PRR5L: variants seen among roughly 807,000 people sequenced by gnomAD.
PRR5L encodes proline-rich protein 5-like.
In PRR5L, 21 loss-of-function variants were observed where a neutral mutation model predicts 36.4. That is an observed-to-expected ratio of 0.58 (90% CI 0.41 to 0.83). PRR5L has a LOEUF of 0.83. Ranked by LOEUF, PRR5L falls within the 40% of genes least tolerant of loss-of-function variation. The pLI is 0.00. For synonymous variants in PRR5L, 188 were observed against 197.0 expected, an observed-to-expected ratio of 0.95 and a Z score of 0.38; for missense variants, 381 against 473.3, an observed-to-expected ratio of 0.80 and a Z score of 1.81.
chr11:36,323,742 T>C (rs1307028097), intron 1 of PRR5L, among the ~76,000 whole-genome samples: 1 of 152,212 alleles, frequency 6.6e-6, no homozygotes, highest in Admixed American at 6.5e-5. Context: ...CTAAAAATTA[T>C]TTGAAGGTTG....
chr11:36,436,493 A>C (rs1863397), intron 5 of PRR5L, among the ~76,000 whole-genome samples: 1 of 151,946 alleles, frequency 6.6e-6, no homozygotes, highest in African/African-American at 2.4e-5. Context: ...CTGATCCTCA[A>C]AGTGAGTAGG....
intron 8 of PRR5L, among the ~76,000 whole-genome samples, chr11:36,451,932 T>G (rs931365988): frequency 6.6e-6 from 1 of 152,128 alleles, no homozygotes; most frequent in Non-Finnish European, 1.5e-5. Flanking sequence ...CCAGGCACCA[T>G]GGAAAATCTG....
At chr11:36,346,323 C>A (rs767914800) in intron 1 of PRR5L, among the ~76,000 whole-genome samples, 54 of 152,064 alleles carry the variant, frequency 3.6e-4, no homozygotes, top group Non-Finnish European at 6.9e-4. Flanking sequence ...GTGGCTCATG[C>A]CTGTAATCCC....
At chr11:36,340,905 G>A (rs1856810691) in intron 1 of PRR5L, among the ~76,000 whole-genome samples, 1 of 152,182 alleles carries the variant, frequency 6.6e-6, no homozygotes, top group Non-Finnish European at 1.5e-5. Flanking sequence ...GTGACTCTGG[G>A]GCCATCTCAG....
intron 1 of PRR5L, among the ~76,000 whole-genome samples, chr11:36,357,976 C>A (rs1422766885): frequency 6.6e-6 from 1 of 152,178 alleles, no homozygotes; most frequent in Non-Finnish European, 1.5e-5. Flanking sequence ...AAGGATTAAC[C>A]ATTTCAAGTG....
intron 1 of PRR5L, among the ~76,000 whole-genome samples, chr11:36,331,269 C>G (rs1856716067): frequency 6.6e-6 from 1 of 152,160 alleles, no homozygotes; most frequent in Non-Finnish European, 1.5e-5. Flanking sequence ...TAACATCTCT[C>G]TTTTTACAAG....
At chr11:36,388,631 A>G (rs777876196) in intron 1 of PRR5L, among the ~76,000 whole-genome samples, 1 of 149,886 alleles carries the variant, frequency 6.7e-6, no homozygotes, top group African/African-American at 2.4e-5. Flanking sequence ...TTTTACATAG[A>G]TGGTAGCATA....
At chr11:36,299,320 G>A (rs1856347996) in intron 1 of PRR5L, among the ~76,000 whole-genome samples, 2 of 152,192 alleles carry the variant, frequency 1.3e-5, no homozygotes, top group Non-Finnish European at 2.9e-5. Flanking sequence ...TCAACCTCCA[G>A]GGACACAGCA....
intron 1 of PRR5L, among the ~76,000 whole-genome samples, chr11:36,350,290 TGA>T (rs111303388): frequency 8.7e-5 from 13 of 149,930 alleles, no homozygotes; most frequent in African/African-American, 3.0e-4. Context: ...TCTGTGAATG[TGA>T]GAGTGTGTGT....
intron 1 of PRR5L, among the ~76,000 whole-genome samples, chr11:36,372,266 G>C (rs768821439): frequency 6.6e-6 from 1 of 151,982 alleles, no homozygotes; most frequent in South Asian, 2.1e-4. Context: ...GGCTCTGTGC[G>C]GGGTAGAAAT....
At chr11:36,360,988 A>G (rs1014680158) in intron 1 of PRR5L, among the ~76,000 whole-genome samples, 2 of 152,220 alleles carry the variant, frequency 1.3e-5, no homozygotes, top group African/African-American at 2.4e-5. Flanking sequence ...GCTCAGTTCA[A>G]TGTTCTGCTG....
intron 5 of PRR5L, among the ~76,000 whole-genome samples, chr11:36,436,457 G>A (rs2133604997): frequency 6.6e-6 from 1 of 152,338 alleles, no homozygotes; most frequent in South Asian, 2.1e-4. Flanking sequence ...GGGGTAGCAG[G>A]GACACTTGGC....
chr11:36,362,727 T>C (rs1367363475), intron 1 of PRR5L, among the ~76,000 whole-genome samples: 1 of 152,214 alleles, frequency 6.6e-6, no homozygotes, highest in Non-Finnish European at 1.5e-5. Flanking sequence ...TTCTCTGTTA[T>C]AGCCCAGGAA....
At chr11:36,443,812 A>G (rs1043369987) in intron 6 of PRR5L, among the ~76,000 whole-genome samples, 3 of 152,166 alleles carry the variant, frequency 2.0e-5, no homozygotes, top group African/African-American at 7.2e-5. Flanking sequence ...CTGTTATGGA[A>G]GTGTGGGCAC....
At chr11:36,300,649 G>GAA (rs5791098) in intron 1 of PRR5L, among the ~76,000 whole-genome samples, 1 of 150,884 alleles carries the variant, frequency 6.6e-6, no homozygotes, top group African/African-American at 2.4e-5. Flanking sequence ...CTATTTAAAA[G>GAA]AAAAAAAAAA....
intron 1 of PRR5L, among the ~76,000 whole-genome samples, chr11:36,390,289 C>G (rs564114141): frequency 6.6e-6 from 1 of 152,216 alleles, no homozygotes; most frequent in South Asian, 2.1e-4. Flanking sequence ...ATAGAGGCCA[C>G]AGCACATGGA....
intron 3 of PRR5L, among the ~76,000 whole-genome samples, chr11:36,412,321 T>C (rs1427351322): frequency 6.6e-6 from 1 of 152,204 alleles, no homozygotes; most frequent in Non-Finnish European, 1.5e-5. Flanking sequence ...TTGACAGTGG[T>C]GTCCAGCACC....
chr11:36,332,860 C>T lies in PRR5L; in HGVS notation c.-126+36422C>T, dbSNP rs535638995. On this transcript the variant is annotated intron_variant, in intron 1 of 8. Transcript: ENST00000530639. ...GCCTCATCAGGAGCAGGTGCTGGCA[C>T]TATACTTCTTGTACAGCTTGCAGAA... Among the ~76,000 whole-genome samples, 3 of 152,304 alleles carry T rather than the reference C, an allele frequency of 2.0e-5. No homozygotes were observed. In the East Asian group the frequency reaches 5.8e-4, roughly 29 times the overall value.
At chr11:36,348,297 G>A (rs1365713459) in intron 1 of PRR5L, among the ~76,000 whole-genome samples, 6 of 152,006 alleles carry the variant, frequency 3.9e-5, no homozygotes, top group East Asian at 1.9e-4. Context: ...CAGCCTTCAC[G>A]GTATCTATTG....
Sources: allele counts gnomAD v4.1 joint callset (sites outside exome capture counted in the v4.1 genomes callset), GRCh38; gene constraint gnomAD v4.1.1; transcripts MANE v1.5; gene names NCBI Gene and HGNC (gene_info 2026-07-23, HGNC 2026-07-21).